The following ZKSCAN2 variants were observed in gnomAD, a reference collection of about 807,000 sequenced individuals.
The protein encoded by ZKSCAN2 is zinc finger protein with KRAB and SCAN domains 2.
Under a neutral mutation model 90.5 loss-of-function variants are expected in ZKSCAN2, and 38 were observed. The observed-to-expected ratio is 0.42, with a 90% confidence interval of 0.32 to 0.55. ZKSCAN2 has a LOEUF of 0.55. Among genes scored for constraint, ZKSCAN2 ranks in the 20% least tolerant of loss-of-function variants. The probability of loss-of-function intolerance (pLI) is 0.11; values close to 1 mark genes in which losing one functional copy is unlikely to be tolerated. For missense variants in ZKSCAN2, 1,167 were observed against 1,202.6 expected (o/e 0.97, Z 0.44); for synonymous variants, 429 against 421.6 (o/e 1.02, Z -0.22).
Position 25,237,011 on chromosome 16 carries a change from A to G in ZKSCAN2, c.*2805T>C, listed in dbSNP as rs1403329035. On this transcript the variant is annotated 3_prime_UTR_variant, in exon 7 of 7. Transcript: ENST00000328086. ...CAGCCAGAACAAAGAGAGAAAAAGC[A>G]GCTTAAGTTACAAAAATCACAGTGT... 1 of 152,622 alleles carries G rather than the reference A, an allele frequency of 6.6e-6. No homozygotes were observed. Among genetic ancestry groups the G allele is most frequent in the Non-Finnish European group, 1.5e-5 (1 of 68,042 alleles). The allele number at this position is 152,622 out of a possible 1,614,324, so 9.5% of individuals were successfully genotyped here.
Position 25,238,319 on chromosome 16 carries a change from A to C in ZKSCAN2, c.*1497T>G, listed in dbSNP as rs1011867872. ...CTTGTGACTTCTCCCTTGCCAAAGC[A>C]AAGCCACCCTGGGTCACCTACATAC... is the stretch of plus-strand genomic sequence containing the variant. On this transcript the variant is annotated 3_prime_UTR_variant, in exon 7 of 7. Transcript: ENST00000328086. 3 of 152,274 alleles carry C rather than the reference A, an allele frequency of 2.0e-5. No individual in the cohort carries two copies. The highest frequency in any genetic ancestry group is 7.2e-5 in the African/African-American group (3 of 41,452). The allele number at this position is 152,274 out of a possible 1,614,324, so 9.4% of individuals were successfully genotyped here. A position where few individuals can be genotyped will look rare whatever the true frequency, so the allele number is the denominator to read the frequency against.
Position 25,237,689 on chromosome 16 carries a change from T to A in ZKSCAN2, c.*2127A>T, listed in dbSNP as rs1488579071. On this transcript the variant is annotated 3_prime_UTR_variant, in exon 7 of 7. Transcript: ENST00000328086. ...AGGCACCATGCCCCTTCCTTCCTTT[T>A]TCTATCATTCACTGTGGCTAGAACA... 1 of 152,244 alleles carries A rather than the reference T, an allele frequency of 6.6e-6. No individual in the cohort carries two copies. Among genetic ancestry groups the A allele is most frequent in the Non-Finnish European group, 1.5e-5 (1 of 68,056 alleles). The allele number at this position is 152,244 out of a possible 1,614,324, so 9.4% of individuals were successfully genotyped here.
At chr16:25,253,450 CTCTCTCTCTCTCTCTG>C (rs1294666457) in intron 2 of ZKSCAN2, among the ~76,000 whole-genome samples, 2 of 151,382 alleles carry the variant, frequency 1.3e-5, no homozygotes, top group Non-Finnish European at 2.9e-5. Flanking sequence ...CTCTCTCTCT[CTCTCTCTCTCTCTCTG>C]TCTCTCTCAA....
At chr16:25,241,504 T>G (rs936900552) in intron 6 of ZKSCAN2, among the ~76,000 whole-genome samples, 1 of 152,232 alleles carries the variant, frequency 6.6e-6, no homozygotes, top group Admixed American at 6.5e-5. Context: ...GTATGTATAA[T>G]GAACTCCCAC....
At chr16:25,253,168 A>G in intron 2 of ZKSCAN2, 131 bp from the exon 3 acceptor site, 1 of 745,564 alleles carries the variant, frequency 1.3e-6, no homozygotes, top group Non-Finnish European at 2.3e-6. Context: ...CTGTGAGTTC[A>G]GAACAATCCC....
Position 25,240,329 on chromosome 16 carries a change from G to A in ZKSCAN2, c.2391C>T (p.His797=). ...GACATTTAAAAGGTTTTTCGCCTGT[G>A]TGGATTCTTTGGTGTCTGATCAGGC... ...SRSLIRHQRI[H]TGEKPFKCLD... Residue 797 remains histidine (H), a synonymous_variant, in exon 7 of 7, where the codon CAC becomes CAT. Coordinates refer to ENST00000328086, the MANE Select transcript of ZKSCAN2 (RefSeq NM_001012981.5). 6.2e-7 allele frequency: 1 copy of A among 1,614,092 alleles called. No individual in the cohort carries two copies. The highest frequency in any genetic ancestry group is 8.5e-7 in the Non-Finnish European group (1 of 1,180,044).
Position 25,255,305 on chromosome 16 carries a change from G to C in ZKSCAN2, c.487C>G (p.Gln163Glu), listed in dbSNP as rs1963082506. The C allele has an allele frequency of 1.9e-6, 3 of 1,613,726 alleles. No homozygotes were observed. Among genetic ancestry groups the C allele is most frequent in the Non-Finnish European group, 2.5e-6 (3 of 1,179,958 alleles). Residue 163 changes from glutamine (Q) to glutamate (E), a missense_variant, in exon 2 of 7, where the codon CAA becomes GAA. By Grantham distance (29) the Gln-to-Glu change is conservative. Transcript: ENST00000328086. The stretch of plus-strand genomic sequence containing the variant: ...TCCTCCCGAGACACCGCCCTGGGTT[G>C]GGTCTCCACCTGCTCTGGCTGGAAG... ...ADFQPEQVET[Q>E]PRAVSREEPG...
At position 25,246,786 on chromosome 16, in the gene ZKSCAN2, A is replaced by T. The variant is rs775629089; in HGVS notation, c.1410T>A (p.Ser470=). Residue 470 remains serine, a synonymous_variant, in exon 5 of 7, where the codon TCT becomes TCA. Coordinates refer to ENST00000328086, the MANE Select transcript of ZKSCAN2 (RefSeq NM_001012981.5). ...ATTCGATGCCTATTTCATCATCATC[A>T]GAATCTTCTGCAGCTTCCTCCTCCT... The part of the protein sequence containing the change: ...LVEEEEAAED[S]DDDEIGIEFI... 1.9e-6 allele frequency: 3 copies of T among 1,614,086 alleles called. No homozygotes were observed. The highest frequency in any genetic ancestry group is 2.7e-5 in the African/African-American group (2 of 74,928).
In ZKSCAN2 at chr16:25,237,133, G is replaced by A. The variant is rs1166011928; in HGVS notation, c.*2683C>T. 6.6e-6 allele frequency: 1 copy of A among 152,486 alleles called. No homozygotes were observed. Among genetic ancestry groups the A allele is most frequent in the African/African-American group, 2.4e-5 (1 of 41,428 alleles). 9.4% of individuals were successfully genotyped at this position (152,486 alleles called of 1,614,324 possible). ...GAGCTTTCCTTGGCACTGAGATCTA[G>A]ATAAAAAAACCTTTTTCTATGAATC... On this transcript the variant is annotated 3_prime_UTR_variant, in exon 7 of 7. Coordinates refer to ENST00000328086, the MANE Select transcript of ZKSCAN2 (RefSeq NM_001012981.5).
At chr16:25,249,342 T>C (rs932371683) in intron 4 of ZKSCAN2, among the ~76,000 whole-genome samples, 1 of 152,224 alleles carries the variant, frequency 6.6e-6, no homozygotes, top group Non-Finnish European at 1.5e-5. Context: ...CAGGCTGGAA[T>C]GCAGTGGCAC....
intron 4 of ZKSCAN2, among the ~76,000 whole-genome samples, chr16:25,250,381 C>A (rs2141367497): frequency 6.6e-6 from 1 of 152,026 alleles, no homozygotes; most frequent in East Asian, 1.9e-4. Flanking sequence ...ATAAACCAGA[C>A]AGAGGAACAC....
intron 4 of ZKSCAN2, among the ~76,000 whole-genome samples, chr16:25,251,545 T>A (rs1963021017): frequency 6.6e-6 from 1 of 152,180 alleles, no homozygotes; most frequent in South Asian, 2.1e-4. Context: ...GAGATGAACA[T>A]GTCGTAATTT....
At chr16:25,244,568 A>T (rs994014298) in intron 5 of ZKSCAN2, among the ~76,000 whole-genome samples, 2 of 152,242 alleles carry the variant, frequency 1.3e-5, no homozygotes, top group African/African-American at 4.8e-5. Flanking sequence ...AGATTTTTAA[A>T]ACTGAAATCG....
intron 4 of ZKSCAN2, among the ~76,000 whole-genome samples, chr16:25,250,667 T>C (rs1020458262): frequency 3.3e-5 from 5 of 152,138 alleles, no homozygotes; most frequent in Admixed American, 2.0e-4. Flanking sequence ...AACTCAAATG[T>C]GGTAATTATT....
chr16:25,245,440 T>C (rs1029637104), intron 5 of ZKSCAN2, among the ~76,000 whole-genome samples: 2 of 152,160 alleles, frequency 1.3e-5, no homozygotes. Flanking sequence ...CATGGATACA[T>C]TCCCTAGCCT....
intron 1 of ZKSCAN2, among the ~76,000 whole-genome samples, chr16:25,255,599 G>C (rs1006653183): frequency 1.3e-5 from 2 of 152,160 alleles, no homozygotes; most frequent in African/African-American, 4.8e-5. Flanking sequence ...TCTTTTTTCT[G>C]AGACAGAGTT....
At chr16:25,256,593 G>T in intron 1 of ZKSCAN2, 136 bp downstream of exon 1, 1 of 873,950 alleles carries the variant, frequency 1.1e-6, no homozygotes, top group Non-Finnish European at 1.7e-6. Flanking sequence ...AAAGTGAAAA[G>T]ACCCCCTTAT....
Position 25,256,930 on chromosome 16 carries a change from G to A in ZKSCAN2, c.198C>T (p.Leu66=), listed in dbSNP as rs747444386. 6.2e-7 allele frequency: 1 copy of A among 1,614,226 alleles called. No individual in the cohort carries two copies. ...TCAGCCACCGGCAGCAAAGTTCCCA[G>A]AGTTTACTGAAAGCTTCATGGGGTC... The part of the protein sequence containing the change: ...VTGPHEAFSK[L]WELCCRWLKP... The change falls in exon 1 of 7, where the codon CTC becomes CTT. Residue 66 remains leucine (L), a synonymous_variant. Coordinates refer to ENST00000328086, the MANE Select transcript of ZKSCAN2 (RefSeq NM_001012981.5).
chr16:25,255,505 C>G, intron 1 of ZKSCAN2, 113 bp from the exon 2 acceptor site: 2 of 1,170,044 alleles, frequency 1.7e-6, no homozygotes, highest in Non-Finnish European at 2.4e-6. Context: ...AATGAAAATT[C>G]CACTCCATTC....
Sources: allele counts gnomAD v4.1 joint callset (sites outside exome capture counted in the v4.1 genomes callset), GRCh38; gene constraint gnomAD v4.1.1; transcripts MANE v1.5; gene names NCBI Gene and HGNC (gene_info 2026-07-23, HGNC 2026-07-21).